DRICH1: variants seen among roughly 807,000 people sequenced by gnomAD.
DRICH1 encodes aspartate-rich protein 1.
DRICH1 carries 38 observed loss-of-function variants against 39.5 expected under a neutral mutation model. That is an observed-to-expected ratio of 0.96 (90% confidence interval 0.74 to 1.26). The LOEUF is 1.26. Ranked by LOEUF, DRICH1 falls within the 50% of genes most tolerant of loss-of-function variation. The pLI, the probability that DRICH1 is intolerant of heterozygous loss-of-function variation, is 0.00. For synonymous variants in DRICH1, 84 were observed against 99.5 expected (o/e 0.84, Z 0.93); for missense variants, 279 against 270.4 (o/e 1.03, Z -0.22).
At chr22:23,602,026 A>G in the DRICH1 span, among the ~76,000 whole-genome samples, 1 of 16,258 alleles carries the variant, frequency 6.2e-5, no homozygotes, top group Admixed American at 4.7e-4. Context: ...GCAGGGGCTC[A>G]CCCCTGTAAT....
At chr22:23,612,353 A>G (rs915720429) in intron 11 of DRICH1, among the ~76,000 whole-genome samples, 1 of 151,350 alleles carries the variant, frequency 6.6e-6, no homozygotes, top group African/African-American at 2.4e-5. Context: ...TGTAGTCCCC[A>G]CTACTCGGGA....
At chr22:23,623,691 T>C (rs995508254) in intron 3 of DRICH1, among the ~76,000 whole-genome samples, 1 of 152,134 alleles carries the variant, frequency 6.6e-6, no homozygotes, top group African/African-American at 2.4e-5. Context: ...TCAAATAAAC[T>C]TGGTAATGTT....
chr22:23,594,396 C>A, the DRICH1 span, among the ~76,000 whole-genome samples: 1 of 152,162 alleles, frequency 6.6e-6, no homozygotes, highest in African/African-American at 2.4e-5. Flanking sequence ...CGGCAAAACC[C>A]CATCTCTACT....
At chr22:23,614,594 A>C (rs1205783642) in intron 8 of DRICH1, among the ~76,000 whole-genome samples, 2 of 152,192 alleles carry the variant, frequency 1.3e-5, no homozygotes, top group Non-Finnish European at 2.9e-5. Context: ...AATTATGCTG[A>C]TACTACATTT....
At chr22:23,623,415 AAGAAAAGAAAAAAAT>A (rs1294151599) in intron 3 of DRICH1, among the ~76,000 whole-genome samples, 1 of 152,178 alleles carries the variant, frequency 6.6e-6, no homozygotes. Context: ...AAAAACAAAA[AAGAAAAGAAAAAAAT>A]AGAAATCACA....
chr22:23,606,224 T>C (rs1926724896), downstream of DRICH1, among the ~76,000 whole-genome samples: 1 of 152,110 alleles, frequency 6.6e-6, no homozygotes, highest in African/African-American at 2.4e-5. Context: ...TCCACAGGCC[T>C]CCACATTCCA....
At chr22:23,614,958 T>C (rs1927266088) in intron 8 of DRICH1, among the ~76,000 whole-genome samples, 1 of 152,230 alleles carries the variant, frequency 6.6e-6, no homozygotes, top group Non-Finnish European at 1.5e-5. Context: ...GAGGATAAGT[T>C]TCCAGGTTCA....
chr22:23,608,442 T>C (rs947681396), downstream of DRICH1: 2 of 428,040 alleles, frequency 4.7e-6, no homozygotes, highest in Non-Finnish European at 8.5e-6. Context: ...CAGCCACCTC[T>C]GCACCTGAAT....
downstream of DRICH1, among the ~76,000 whole-genome samples, chr22:23,604,532 C>G (rs58867401): frequency 0.15 from 23,474 of 152,114 alleles, 1,931 homozygotes; most frequent in African/African-American, 0.2. Context: ...GACTCCTTGC[C>G]TAGAAGTCCC....
At chr22:23,617,871 C>A (rs911261678) in intron 6 of DRICH1, among the ~76,000 whole-genome samples, 3 of 152,162 alleles carry the variant, frequency 2.0e-5, no homozygotes, top group Non-Finnish European at 4.4e-5. Context: ...AAACAGTCAA[C>A]CCCAAATGGA....
intron 1 of DRICH1, among the ~76,000 whole-genome samples, chr22:23,629,362 G>A (rs1179657317): frequency 1.3e-5 from 2 of 152,124 alleles, no homozygotes; most frequent in African/African-American, 2.4e-5. Flanking sequence ...TATTTGCACT[G>A]TGTGTGCATC....
At chr22:23,630,140 C>T (rs539836268) in intron 1 of DRICH1, among the ~76,000 whole-genome samples, 85 of 152,272 alleles carry the variant, frequency 5.6e-4, no homozygotes, top group African/African-American at 1.9e-3. Context: ...CCCATGCCAA[C>T]GTCTATTGTT....
At chr22:23,595,410 A>G in the DRICH1 span, among the ~76,000 whole-genome samples, 3 of 135,818 alleles carry the variant, frequency 2.2e-5, no homozygotes, top group Admixed American at 7.7e-5. Context: ...TATTTCCTCC[A>G]TTTAGCCTAA....
chr22:23,625,879 T>C, intron 2 of DRICH1, 102 bp downstream of exon 2: 1 of 884,746 alleles, frequency 1.1e-6, no homozygotes, highest in Middle Eastern at 2.3e-4. Context: ...CTTTTGCTGT[T>C]CTGCAGGCCT....
At chr22:23,584,635 C>T in the DRICH1 span, among the ~76,000 whole-genome samples, 1 of 152,164 alleles carries the variant, frequency 6.6e-6, no homozygotes, top group Non-Finnish European at 1.5e-5. Context: ...GATGATGTAC[C>T]TACCATTATT....
At chr22:23,610,236 C>T (rs1461967324) in intron 11 of DRICH1, 2 of 152,260 alleles carry the variant, frequency 1.3e-5, no homozygotes, top group African/African-American at 4.8e-5. Context: ...TGAAACACTT[C>T]CAGGAAATGA....
the DRICH1 span, among the ~76,000 whole-genome samples, chr22:23,591,268 A>T: frequency 6.6e-6 from 1 of 152,146 alleles, no homozygotes. Flanking sequence ...CCCCCAGTTC[A>T]GCTTGGGCCA....
At chr22:23,602,576 G>A in the DRICH1 span, among the ~76,000 whole-genome samples, 147 of 151,718 alleles carry the variant, frequency 9.7e-4, no homozygotes, top group African/African-American at 3.4e-3. Flanking sequence ...TTCCAGCTAC[G>A]CGAGAGGCTG....
chr22:23,627,877 C>T (rs1246511771), intron 1 of DRICH1, among the ~76,000 whole-genome samples: 2 of 152,136 alleles, frequency 1.3e-5, no homozygotes, highest in African/African-American at 2.4e-5. Flanking sequence ...ACCCCAGAGG[C>T]GACCTAGAAC....
Sources: gnomAD v4.1 joint callset for allele counts (sites outside exome capture counted in the v4.1 genomes callset) on GRCh38, gnomAD v4.1.1 for gene constraint, MANE v1.5 for transcripts, NCBI Gene and HGNC (gene_info 2026-07-23, HGNC 2026-07-21) for gene names.